The following SVIL variants were observed in gnomAD, a reference collection of about 807,000 sequenced individuals.
SVIL encodes the protein supervillin.
Under a neutral mutation model 240.4 loss-of-function variants are expected in SVIL, and 101 were observed. The ratio of observed to expected loss-of-function variants is 0.42; its 90% CI spans 0.36 to 0.50. The LOEUF is 0.50. Among genes scored for constraint, SVIL ranks in the 20% least tolerant of loss-of-function variants. The probability of loss-of-function intolerance (pLI) is 0.01; values close to 1 mark genes in which losing one functional copy is unlikely to be tolerated. For synonymous variants in SVIL, 999 were observed against 1,100.0 expected (o/e 0.91, Z 1.82); for missense variants, 2,512 against 2,818.7 (o/e 0.89, Z 2.46).
At chr10:29,681,600 A>G (rs979641256) in intron 2 of SVIL, among the ~76,000 whole-genome samples, 2 of 152,174 alleles carry the variant, frequency 1.3e-5, no homozygotes, top group African/African-American at 4.8e-5. Context: ...TCCTTTCCAG[A>G]CAAAGAAGCT....
chr10:29,720,425 T>A (rs1023331769), intron 1 of SVIL, among the ~76,000 whole-genome samples: 9 of 152,214 alleles, frequency 5.9e-5, no homozygotes, highest in African/African-American at 1.9e-4. Flanking sequence ...ATACAACTAG[T>A]TAGCACATGG....
chr10:29,497,592 C>G (rs536247427), intron 18 of SVIL, among the ~76,000 whole-genome samples: 353 of 152,304 alleles, frequency 2.3e-3, no homozygotes, highest in Non-Finnish European at 4.1e-3. Flanking sequence ...GGACATCCCA[C>G]TGCCTAGGAA....
rs1554860638 is a variant in SVIL at position 29,572,777 on chromosome 10, A to AAAG, written c.-200-3466_-200-3465insCTT. 6.2e-3 allele frequency among the ~76,000 whole-genome samples: 934 copies of AAAG among 149,736 alleles called. 15 individuals carry two copies. The highest frequency in any genetic ancestry group is 0.021 in the African/African-American group (855 of 40,972). On this transcript the variant is annotated intron_variant, in intron 1 of 37. Transcript: ENST00000355867. ...AGATCCTATCTCAAAAAAAAAAAAA[A>AAAG]AAAAGAAAAAGAAAAAGAAAAAAAG... is the stretch of plus-strand genomic sequence containing the variant.
chr10:29,481,633 T>C lies in SVIL; in HGVS notation c.5051A>G (p.Glu1684Gly), dbSNP rs1245097811. 6.2e-7 allele frequency: 1 copy of C among 1,614,172 alleles called. No homozygotes were observed. The highest frequency in any genetic ancestry group is 1.7e-5 in the Admixed American group (1 of 60,028). ...GTTCTTCTCATTCGATCTCTTCAGT[T>C]CCGTCCAATCCAGAAACTTCTCTTT... ...LFKEKFLDWT[E>G]LKRSNEKNPG... The change falls in exon 28 of 38, where the codon GAA becomes GGA. Residue 1684 changes from glutamate to glycine, a missense_variant. Glu to Gly is a moderately conservative substitution (Grantham distance 98, BLOSUM62 -2). Around this residue, in one of 3 missense-constraint regions of SVIL, gnomAD observed 797 missense variants for 925.3 expected, o/e 0.86. Coordinates refer to ENST00000355867, the MANE Select transcript of SVIL (RefSeq NM_021738.3).
chr10:29,735,597 C>T lies in SVIL; in HGVS notation c.-400+154G>A, dbSNP rs879810589. ...GGCCTCCACCCCCGGGAGGCGCCCC[C>T]GTTCCCGCTTCGGTCCCCGGCAGGG... On this transcript the variant is annotated intron_variant, in intron 1 of 35. Transcript: ENST00000375400. This position sits in a 1 kb window ranked among gnomAD's most constrained non-coding sequence, Gnocchi z 4.1. Among the ~76,000 whole-genome samples, 2 of 151,322 alleles carry T rather than the reference C, an allele frequency of 1.3e-5. No homozygotes were observed. The highest frequency in any genetic ancestry group is 3.0e-5 in the Non-Finnish European group (2 of 67,782).
At chr10:29,694,671 G>A (rs1386227647) in intron 1 of SVIL, among the ~76,000 whole-genome samples, 1 of 152,148 alleles carries the variant, frequency 6.6e-6, no homozygotes, top group South Asian at 2.1e-4. Flanking sequence ...TGTTGGCCGG[G>A]TTGGTCCCAA....
chr10:29,486,607 A>G (rs377428264), intron 24 of SVIL, 50 bp from the exon 25 acceptor site: 281 of 1,605,856 alleles, frequency 1.7e-4, no homozygotes, highest in Admixed American at 3.2e-4. Context: ...CCTTGGCTAG[A>G]CAGAGTGGCA....
chr10:29,611,741 C>G (rs1957251922), intron 1 of SVIL, among the ~76,000 whole-genome samples: 1 of 152,146 alleles, frequency 6.6e-6, no homozygotes, highest in South Asian at 2.1e-4. Context: ...AGAAGCGAAG[C>G]TGCTACTTAC....
chr10:29,623,706 G>T (rs1957753922), intron 1 of SVIL, among the ~76,000 whole-genome samples: 1 of 152,164 alleles, frequency 6.6e-6, no homozygotes, highest in African/African-American at 2.4e-5. Flanking sequence ...AAAAAAATTA[G>T]CCAGGCATGG....
intron 27 of SVIL, chr10:29,483,309 C>CT (rs1399068573): frequency 6.6e-6 from 1 of 152,222 alleles, no homozygotes; most frequent in Non-Finnish European, 1.5e-5. Flanking sequence ...AGGGGTTTCT[C>CT]TACCCCCTTC....
At chr10:29,522,278 G>T in intron 16 of SVIL, 132 bp downstream of exon 16, 3 of 895,902 alleles carry the variant, frequency 3.3e-6, no homozygotes, top group Middle Eastern at 2.3e-4. Context: ...ATTACTCCAG[G>T]ACAACAGCAC....
chr10:29,480,940 T>C lies in SVIL; in HGVS notation c.5101-127A>G, dbSNP rs1029547570. On this transcript the variant is annotated intron_variant, in intron 28 of 37. Transcript: ENST00000355867. ...ACAGCTTCCACACTCTGTCTCAGGA[T>C]GTTTAACTGCAGTCAGGGAAAGGCT... The C allele has an allele frequency of 4.3e-6, 5 of 1,159,276 alleles. No individual in the cohort carries two copies. The Admixed American group carries it at 1.1e-4, about 26-fold the overall frequency. The allele number at this position is 1,159,276 out of a possible 1,614,324, so 71.8% of individuals were successfully genotyped here.
At chr10:29,727,849 C>T (rs112627224) in intron 1 of SVIL, among the ~76,000 whole-genome samples, 1 of 152,068 alleles carries the variant, frequency 6.6e-6, no homozygotes, top group South Asian at 2.1e-4. Flanking sequence ...CAGTGCTAGA[C>T]CCCCTGGCTG....
At chr10:29,477,518 T>C (rs1307135568) in intron 29 of SVIL, among the ~76,000 whole-genome samples, 1 of 152,214 alleles carries the variant, frequency 6.6e-6, no homozygotes, top group Non-Finnish European at 1.5e-5. Flanking sequence ...GTGCAGCTGC[T>C]GCTTTTGCTG....
chr10:29,572,443 G>A (rs1294040901), intron 1 of SVIL, among the ~76,000 whole-genome samples: 2 of 152,104 alleles, frequency 1.3e-5, no homozygotes, highest in African/African-American at 4.8e-5. Context: ...AGGAAGGAGA[G>A]GAAATAGTAA....
intron 2 of SVIL, among the ~76,000 whole-genome samples, chr10:29,661,960 G>A (rs1348904543): frequency 6.6e-6 from 1 of 151,902 alleles, no homozygotes; most frequent in Non-Finnish European, 1.5e-5. Flanking sequence ...CACCATGCCC[G>A]GCCCCAGTGA....
At chr10:29,632,498 AAAAAAAG>A (rs1349738272) in intron 1 of SVIL, among the ~76,000 whole-genome samples, 2 of 151,932 alleles carry the variant, frequency 1.3e-5, no homozygotes, top group African/African-American at 2.4e-5. Flanking sequence ...CTCAAAAAAA[AAAAAAAG>A]AAAAAAGAAA....
intron 1 of SVIL, among the ~76,000 whole-genome samples, chr10:29,601,486 A>G (rs1369152917): frequency 6.6e-6 from 1 of 152,234 alleles, no homozygotes; most frequent in Admixed American, 6.5e-5. Context: ...CCCCAGTTCT[A>G]GGAGAGGTTT....
At chr10:29,501,220 G>T (rs1948864808) in intron 17 of SVIL, among the ~76,000 whole-genome samples, 1 of 130,518 alleles carries the variant, frequency 7.7e-6, no homozygotes, top group Non-Finnish European at 1.7e-5. Context: ...GCTACAAAGG[G>T]CATTATTGGA....
Sources: allele counts gnomAD v4.1 joint callset (sites outside exome capture counted in the v4.1 genomes callset), GRCh38; gene constraint gnomAD v4.1.1; regional missense constraint gnomAD v4.1.1; non-coding constraint Gnocchi (gnomAD v3.1); transcripts MANE v1.5; gene names NCBI Gene and HGNC (gene_info 2026-07-23, HGNC 2026-07-21).